Variants in B4GALNT2 observed in about 807,000 individuals in gnomAD.
B4GALNT2 encodes N-acetylneuraminylgalactosylglucosyl-glucoside beta-1,4-N- acetylgalactosaminyltransferase 2.
A neutral mutation model predicts 51.1 loss-of-function variants in B4GALNT2; 42 were observed. The observed-to-expected ratio is 0.82, with a 90% CI of 0.64 to 1.06. The LOEUF (loss-of-function observed/expected upper bound fraction) is 1.06. Ranked by LOEUF, B4GALNT2 falls within the 50% of genes least tolerant of loss-of-function variation. The pLI is 0.00. For synonymous variants in B4GALNT2, 253 were observed against 251.7 expected, an observed-to-expected ratio of 1.01 and a Z score of -0.05; for missense variants, 602 against 633.6, an observed-to-expected ratio of 0.95 and a Z score of 0.54.
At chr17:49,156,644 G>C in intron 5 of B4GALNT2, 41 bp downstream of exon 5, 5 of 1,602,816 alleles carry the variant, frequency 3.1e-6, no homozygotes, top group Non-Finnish European at 4.3e-6. Context: ...TTGGTGTCCT[G>C]TCCTCATTCC....
At chr17:49,125,448 C>G in the B4GALNT2 span, among the ~76,000 whole-genome samples, 111 of 152,356 alleles carry the variant, frequency 7.3e-4, 3 homozygotes, top group Admixed American at 7.1e-3. Context: ...ACATGAGCCA[C>G]TGTTCCTGGC....
rs1324398658 is a variant in B4GALNT2, at chr17:49,174,377, G to T, written c.*4649G>T. On this transcript the variant is annotated 3_prime_UTR_variant, in exon 11 of 11. Transcript: ENST00000393354. ...CAGTTTCCAGTGAAAATGCTTAGCA[G>T]GCTGCAGGTTGTTTACTGCAGGAAT... 3 of 152,196 alleles carry T rather than the reference G, an allele frequency of 2.0e-5. No homozygotes were observed. Among genetic ancestry groups the T allele is most frequent in the East Asian group, 3.8e-4 (2 of 5,208 alleles). 9.4% of individuals were successfully genotyped at this position (152,196 alleles called of 1,614,324 possible). A position where few individuals can be genotyped will look rare whatever the true frequency, so the allele number is the denominator to read the frequency against.
intron 3 of B4GALNT2, among the ~76,000 whole-genome samples, chr17:49,144,683 T>C (rs561292817): frequency 6.6e-6 from 1 of 152,314 alleles, no homozygotes; most frequent in African/African-American, 2.4e-5. Flanking sequence ...GCAGATCACC[T>C]GAGGTCAGGA....
chr17:49,134,902 A>G (rs761813597), intron 1 of B4GALNT2, among the ~76,000 whole-genome samples: 4 of 152,058 alleles, frequency 2.6e-5, no homozygotes, highest in Non-Finnish European at 4.4e-5. Context: ...GATACTATAT[A>G]TTATTGTAAC....
chr17:49,166,542 C>T (rs940127384), intron 9 of B4GALNT2, among the ~76,000 whole-genome samples: 4 of 152,082 alleles, frequency 2.6e-5, no homozygotes, highest in South Asian at 4.1e-4. Context: ...TAACTCCCTC[C>T]GTTGACTAGT....
intron 3 of B4GALNT2, among the ~76,000 whole-genome samples, chr17:49,143,301 C>CA (rs1555610652): frequency 8.3e-4 from 126 of 151,026 alleles, no homozygotes; most frequent in South Asian, 3.6e-3. Flanking sequence ...ACAACAAAAA[C>CA]AAAAAAACAA....
Position 49,152,810 on chromosome 17 carries a change from C to T in B4GALNT2, c.364C>T (p.Pro122Ser). ...TTCTCCTTCCTGCAGAGAAGGGCTG[C>T]CCCGCCCACTGCCCCTGCTGGTCCA... is the stretch of plus-strand genomic sequence containing the variant. The part of the protein sequence containing the change: ...FEHFQRREGL[P>S]RPLPLLVQPN... The change falls in exon 4 of 11, where the codon CCC becomes TCC. Residue 122 changes from proline to serine, a missense_variant. Pro to Ser is a moderately conservative substitution (Grantham distance 74, BLOSUM62 -1). Coordinates refer to ENST00000393354, the MANE Select transcript of B4GALNT2 (RefSeq NM_001159387.2). 6.2e-7 allele frequency: 1 copy of T among 1,600,906 alleles called. No individual in the cohort carries two copies. Among genetic ancestry groups the T allele is most frequent in the Non-Finnish European group, 8.5e-7 (1 of 1,173,316 alleles).
rs988841669 is a variant in B4GALNT2, at chr17:49,173,202, A to G, written c.*3474A>G. 5.3e-5 allele frequency: 8 copies of G among 152,220 alleles called. No homozygotes were observed. Among genetic ancestry groups the G allele is most frequent in the South Asian group, 2.1e-4 (1 of 4,834 alleles). The allele number at this position is 152,220 out of a possible 1,614,324, so 9.4% of individuals were successfully genotyped here. Reference sequence around the variant, plus strand: ...ATTCTACTCCTGACTGCTGTTTGCAATTGGGTAAATAAAGCCATCAGTTGC... The same window carrying G: ...ATTCTACTCCTGACTGCTGTTTGCAGTTGGGTAAATAAAGCCATCAGTTGC... On this transcript the variant is annotated 3_prime_UTR_variant, in exon 11 of 11. Transcript: ENST00000393354.
At chr17:49,120,396 G>A in the B4GALNT2 span, among the ~76,000 whole-genome samples, 1 of 152,144 alleles carries the variant, frequency 6.6e-6, no homozygotes, top group Non-Finnish European at 1.5e-5. Flanking sequence ...GTCTCCTTGA[G>A]GAACTAACAT....
rs1449938188 is a variant in B4GALNT2 at position 49,173,939 on chromosome 17, A to G, written c.*4211A>G. ...TTTGTTAATTGCCGAGGGCTATGAG[A>G]CTAGCATCTCCTCTAAGGTTAGAAA... On this transcript the variant is annotated 3_prime_UTR_variant, in exon 11 of 11. Coordinates refer to ENST00000393354, the MANE Select transcript of B4GALNT2 (RefSeq NM_001159387.2). 3 of 152,120 alleles carry G rather than the reference A, an allele frequency of 2.0e-5. No individual in the cohort carries two copies. The highest frequency in any genetic ancestry group is 4.4e-5 in the Non-Finnish European group (3 of 68,040). The allele number at this position is 152,120 out of a possible 1,614,324, so 9.4% of individuals were successfully genotyped here. A position where few individuals can be genotyped will look rare whatever the true frequency, so the allele number is the denominator to read the frequency against.
intron 4 of B4GALNT2, among the ~76,000 whole-genome samples, chr17:49,155,026 T>C (rs2042794925): frequency 6.6e-6 from 1 of 152,116 alleles, no homozygotes; most frequent in Non-Finnish European, 1.5e-5. Context: ...ATATATATAA[T>C]GGGCTGGGTG....
At chr17:49,139,479 G>T (rs1170555939) in intron 1 of B4GALNT2, among the ~76,000 whole-genome samples, 1 of 152,038 alleles carries the variant, frequency 6.6e-6, no homozygotes, top group East Asian at 1.9e-4. Flanking sequence ...GCCTGCCTCG[G>T]CCCCCCAAAG....
chr17:49,142,816 A>G (rs1007961099), intron 3 of B4GALNT2, among the ~76,000 whole-genome samples: 1 of 152,240 alleles, frequency 6.6e-6, no homozygotes, highest in African/African-American at 2.4e-5. Flanking sequence ...TTTTGTAGTC[A>G]TCACCAAGGT....
chr17:49,133,198 A>G (rs891280469), intron 1 of B4GALNT2: 9 of 1,501,964 alleles, frequency 6.0e-6, no homozygotes, highest in Non-Finnish European at 6.2e-6. Flanking sequence ...TTTGCTGCCC[A>G]CGGGAGGAGC....
At chr17:49,157,760 C>G (rs1227374394) in intron 5 of B4GALNT2, among the ~76,000 whole-genome samples, 2 of 152,210 alleles carry the variant, frequency 1.3e-5, no homozygotes, top group Admixed American at 6.5e-5. Flanking sequence ...TCGTGCCTGG[C>G]TATATTGTCT....
intron 7 of B4GALNT2, 66 bp downstream of exon 7, chr17:49,160,707 G>T: frequency 2.1e-6 from 3 of 1,401,896 alleles, no homozygotes; most frequent in Non-Finnish European, 3.0e-6. Flanking sequence ...AATTCAGAAG[G>T]GATCACCTCT....
intron 7 of B4GALNT2, among the ~76,000 whole-genome samples, chr17:49,161,780 C>T (rs1171374612): frequency 4.0e-5 from 6 of 150,876 alleles, no homozygotes; most frequent in Non-Finnish European, 8.9e-5. Flanking sequence ...TCATTTGAAC[C>T]CTGAAGGCGG....
chr17:49,121,005 A>G, the B4GALNT2 span, among the ~76,000 whole-genome samples: 1 of 152,224 alleles, frequency 6.6e-6, no homozygotes, highest in South Asian at 2.1e-4. Flanking sequence ...ACAAGCCTGG[A>G]TATTTTGTTC....
chr17:49,163,956 C>T (rs1180570863), intron 7 of B4GALNT2, 132 bp from the exon 8 acceptor site: 1 of 801,994 alleles, frequency 1.2e-6, no homozygotes, highest in African/African-American at 1.7e-5. Context: ...TTAAGCACCT[C>T]CTGGGTACAA....
Sources: allele counts gnomAD v4.1 joint callset (sites outside exome capture counted in the v4.1 genomes callset), GRCh38; gene constraint gnomAD v4.1.1; transcripts MANE v1.5; gene names NCBI Gene and HGNC (gene_info 2026-07-23, HGNC 2026-07-21).